The following MON2 variants were observed in gnomAD, a reference collection of about 807,000 sequenced individuals.
The protein encoded by MON2 is MON2 regulator of endosome-to-Golgi trafficking.
Under a neutral mutation model 208.6 loss-of-function variants are expected in MON2, and 84 were observed. The observed-to-expected ratio is 0.40, with a 90% CI of 0.34 to 0.48. The LOEUF (loss-of-function observed/expected upper bound fraction) is 0.48. Among genes scored for constraint, MON2 ranks in the 20% least tolerant of loss-of-function variants. MON2 has a pLI of 0.59. For missense variants in MON2, 1,611 were observed against 2,015.4 expected (o/e 0.80, Z 3.84); for synonymous variants, 660 against 694.0 (o/e 0.95, Z 0.77).
Position 62,501,575 on chromosome 12 carries a change from T to G in MON2, c.666T>G (p.Asp222Glu), listed in dbSNP as rs1005831708. 1 of 1,613,756 alleles carries G rather than the reference T, an allele frequency of 6.2e-7. No homozygotes were observed. The highest frequency in any genetic ancestry group is 8.5e-7 in the Non-Finnish European group (1 of 1,179,752). The change falls in exon 7 of 35, where the codon GAT becomes GAG. Residue 222 changes from aspartate (D) to glutamate (E), a missense_variant and splice_region_variant. Physicochemically the swap from Asp to Glu is conservative, Grantham distance 45 (BLOSUM62 2). Transcript: ENST00000393630. ...AATTGTTCGATTTATTTTCCCAGGATCTTTGTCAGTTGGTTAATGCTGATG... is the reference window on the plus strand; with the variant it reads ...AATTGTTCGATTTATTTTCCCAGGAGCTTTGTCAGTTGGTTAATGCTGATG... ...CAKDAYMLFQDLCQLVNADAP... is the reference protein window; with the variant it reads ...CAKDAYMLFQELCQLVNADAP...
chr12:62,548,302 C>T (rs1350646308), intron 22 of MON2, among the ~76,000 whole-genome samples: 1 of 152,104 alleles, frequency 6.6e-6, no homozygotes, highest in East Asian at 1.9e-4. Context: ...TCAGGAGTGA[C>T]TTCTAGATTT....
At chr12:62,584,928 A>G (rs532989365) in intron 32 of MON2, among the ~76,000 whole-genome samples, 1 of 152,044 alleles carries the variant, frequency 6.6e-6, no homozygotes, top group Admixed American at 6.6e-5. Flanking sequence ...TGACCACATG[A>G]AAAACTATTG....
chr12:62,542,583 C>G (rs978944835), intron 19 of MON2, among the ~76,000 whole-genome samples: 1 of 152,106 alleles, frequency 6.6e-6, no homozygotes, highest in Non-Finnish European at 1.5e-5. Flanking sequence ...ACCCTGGTTC[C>G]CTTTCTGATT....
intron 21 of MON2, among the ~76,000 whole-genome samples, chr12:62,546,302 A>G (rs781301140): frequency 1.4e-4 from 21 of 152,300 alleles, no homozygotes; most frequent in African/African-American, 4.8e-4. Context: ...ATTTATTTCT[A>G]TTATTTATCA....
chr12:62,580,199 T>A, intron 31 of MON2, 98 bp from the exon 32 acceptor site: 1 of 1,193,314 alleles, frequency 8.4e-7, no homozygotes, highest in Non-Finnish European at 1.2e-6. Context: ...GTTCTTTAAC[T>A]GATTTTCATT....
intron 32 of MON2, among the ~76,000 whole-genome samples, chr12:62,581,415 G>T (rs946678813): frequency 6.6e-6 from 1 of 152,010 alleles, no homozygotes; most frequent in Non-Finnish European, 1.5e-5. Flanking sequence ...AATTAGCTGG[G>T]CATGGTGACA....
intron 30 of MON2, among the ~76,000 whole-genome samples, chr12:62,576,506 CAG>C (rs1413447586): frequency 6.6e-6 from 1 of 151,840 alleles, no homozygotes; most frequent in Non-Finnish European, 1.5e-5. Flanking sequence ...ATATGTCATA[CAG>C]AGAGAACTGA....
In MON2 at chr12:62,559,496, A is replaced by T. The variant is rs566683233; in HGVS notation, c.3410-995A>T. 2.0e-5 allele frequency among the ~76,000 whole-genome samples: 3 copies of T among 152,312 alleles called. No homozygotes were observed. The South Asian group carries it at 6.2e-4, about 32-fold the overall frequency. ...TATCTCTACAAAAAATACAAAAATT[A>T]GCCAAGTGTGGTGGTGTGCATCTGT... On this transcript the variant is annotated intron_variant, in intron 25 of 34. Coordinates refer to ENST00000393630, the MANE Select transcript of MON2 (RefSeq NM_015026.3).
chr12:62,569,319 A>G (rs2074499771), intron 29 of MON2, among the ~76,000 whole-genome samples: 1 of 152,198 alleles, frequency 6.6e-6, no homozygotes. Flanking sequence ...AATGACATAC[A>G]CTCAGGCTCT....
chr12:62,547,839 A>G (rs1484091189), intron 22 of MON2, among the ~76,000 whole-genome samples: 1 of 152,212 alleles, frequency 6.6e-6, no homozygotes, highest in Non-Finnish European at 1.5e-5. Context: ...TTTGTAGCCC[A>G]GGAGCAATAA....
intron 8 of MON2, among the ~76,000 whole-genome samples, chr12:62,515,963 C>T (rs2071667267): frequency 6.6e-6 from 1 of 152,164 alleles, no homozygotes; most frequent in Non-Finnish European, 1.5e-5. Flanking sequence ...AAGATTCCTG[C>T]ACTCCCATGT....
At chr12:62,475,820 G>C (rs924807590) in intron 1 of MON2, among the ~76,000 whole-genome samples, 1 of 151,354 alleles carries the variant, frequency 6.6e-6, no homozygotes, top group Non-Finnish European at 1.5e-5. Context: ...GACCAGCCTG[G>C]CCAATGTGGT....
intron 30 of MON2, among the ~76,000 whole-genome samples, chr12:62,574,047 C>T (rs546765230): frequency 6.6e-6 from 1 of 152,130 alleles, no homozygotes; most frequent in African/African-American, 2.4e-5. Flanking sequence ...CTACTTTGTA[C>T]TACTTTTTAG....
At chr12:62,557,962 A>ATATGTTTTTTTT (rs1364201663) in intron 25 of MON2, among the ~76,000 whole-genome samples, 1 of 20,868 alleles carries the variant, frequency 4.8e-5, no homozygotes. Context: ...ATATATATAT[A>ATATGTTTTTTTT]TTTTTTTTTT....
chr12:62,579,584 G>A (rs1281311672), intron 31 of MON2, among the ~76,000 whole-genome samples: 1 of 151,794 alleles, frequency 6.6e-6, no homozygotes, highest in Admixed American at 6.6e-5. Context: ...AAATTAGCTG[G>A]GCGTGGTGGT....
chr12:62,589,891 A>G (rs772634620), intron 34 of MON2, among the ~76,000 whole-genome samples: 2 of 152,184 alleles, frequency 1.3e-5, no homozygotes, highest in Non-Finnish European at 2.9e-5. Flanking sequence ...ATGTTAAAAA[A>G]TTGTTGAATG....
chr12:62,493,149 T>C (rs2136045776), intron 2 of MON2, among the ~76,000 whole-genome samples: 1 of 152,372 alleles, frequency 6.6e-6, no homozygotes, highest in Admixed American at 6.5e-5. Context: ...ACTTGTCTTA[T>C]CCATCTTTGT....
Position 62,587,998 on chromosome 12 carries a change from C to G in MON2, c.4908-76C>G, listed in dbSNP as rs761489217. 5 of 887,802 alleles carry G rather than the reference C, an allele frequency of 5.6e-6. No individual in the cohort carries two copies. In the African/African-American group the frequency reaches 8.4e-5, roughly 15 times the overall value. The allele number at this position is 887,802 out of a possible 1,614,324, so 55.0% of individuals were successfully genotyped here. A position where few individuals can be genotyped will look rare whatever the true frequency, so the allele number is the denominator to read the frequency against. ...TTTTTCAAAAGTTCATCTATTTGTA[C>G]AAACTTAGTTTAAAAAACAAACATA... On this transcript the variant is annotated intron_variant, in intron 33 of 34. Coordinates refer to ENST00000393630, the MANE Select transcript of MON2 (RefSeq NM_015026.3).
At chr12:62,515,512 T>G (rs1482327858) in intron 8 of MON2, among the ~76,000 whole-genome samples, 6 of 152,118 alleles carry the variant, frequency 3.9e-5, no homozygotes, top group Non-Finnish European at 8.8e-5. Context: ...ATTTCAGTTT[T>G]GCAAGATAAA....
Sources: gnomAD v4.1 joint callset for allele counts (sites outside exome capture counted in the v4.1 genomes callset) on GRCh38, gnomAD v4.1.1 for gene constraint, MANE v1.5 for transcripts, NCBI Gene and HGNC (gene_info 2026-07-23, HGNC 2026-07-21) for gene names.